Variants in RXFP1 observed in about 807,000 individuals in gnomAD.
RXFP1 encodes relaxin receptor 1.
Under a neutral mutation model 89.8 loss-of-function variants are expected in RXFP1, and 73 were observed. The observed-to-expected ratio is 0.81, with a 90% confidence interval of 0.67 to 0.99. The LOEUF (loss-of-function observed/expected upper bound fraction) is 0.99, where lower values mean the gene tolerates loss of function less well. Ranked by LOEUF, RXFP1 falls within the 50% of genes least tolerant of loss-of-function variation. The pLI is 0.00. For missense variants in RXFP1, 793 were observed against 895.5 expected, an observed-to-expected ratio of 0.89 and a Z score of 1.46; for synonymous variants, 277 against 305.5, an observed-to-expected ratio of 0.91 and a Z score of 0.97.
rs1746237475 is a variant in RXFP1 at position 158,540,098 on chromosome 4, A to G, written c.49+18073A>G. On this transcript the variant is annotated intron_variant, in intron 1 of 17. Transcript: ENST00000307765. ...TGTTAGCAGAAAGGGGTCCCGATCT[A>G]GACCCCAATATAGGGTTCTTGCATC... Among the ~76,000 whole-genome samples, 6 of 152,196 alleles carry G rather than the reference A, an allele frequency of 3.9e-5. No homozygotes were observed. In the South Asian group the frequency reaches 1.2e-3, roughly 32 times the overall value.
intron 1 of RXFP1, chr4:158,544,372 A>T (rs1747650760): frequency 1.0e-6 from 1 of 985,100 alleles, no homozygotes; most frequent in Non-Finnish European, 1.2e-6. Context: ...CAAAAGAGGG[A>T]CAGATCACCC....
chr4:158,572,727 T>C lies in RXFP1; in HGVS notation c.79T>C (p.Cys27Arg). 1 of 1,614,208 alleles carries C rather than the reference T, an allele frequency of 6.2e-7. No individual in the cohort carries two copies. The highest frequency in any genetic ancestry group is 8.5e-7 in the Non-Finnish European group (1 of 1,180,030). The stretch of plus-strand genomic sequence containing the variant: ...TCATGGGGGTGGACAGGATGTCAAG[T>C]GCTCCCTTGGCTATTTCCCCTGTGG... The part of the protein sequence containing the change: ...FSHGGGQDVK[C>R]SLGYFPCGNI... The change falls in exon 2 of 18, where the codon TGC becomes CGC. Residue 27 changes from cysteine (C) to arginine (R), a missense_variant. By Grantham distance (180) the Cys-to-Arg change is radical (BLOSUM62 -3). Transcript: ENST00000307765.
chr4:158,632,317 T>A (rs1768205748), intron 11 of RXFP1, among the ~76,000 whole-genome samples: 1 of 152,254 alleles, frequency 6.6e-6, no homozygotes, highest in South Asian at 2.1e-4. Context: ...AAAATTGTCC[T>A]ACCCTTCGAG....
At chr4:158,610,660 A>G in intron 6 of RXFP1, 1 of 1,289,316 alleles carries the variant, frequency 7.8e-7, no homozygotes, top group Non-Finnish European at 1.0e-6. Flanking sequence ...ATGGCTCTGA[A>G]AAATGAAGAG....
intron 1 of RXFP1, among the ~76,000 whole-genome samples, chr4:158,558,511 C>T (rs1227062946): frequency 6.6e-6 from 1 of 152,106 alleles, no homozygotes; most frequent in Non-Finnish European, 1.5e-5. Flanking sequence ...TTTGGGAAAA[C>T]CATTCCTCAT....
intron 14 of RXFP1, among the ~76,000 whole-genome samples, chr4:158,643,574 C>T (rs146650933): frequency 0.071 from 10,363 of 146,058 alleles, 456 homozygotes; most frequent in Non-Finnish European, 0.11. Flanking sequence ...CAGGTTCAAG[C>T]GATTCTCCTG....
chr4:158,623,297 G>A (rs866309276), intron 9 of RXFP1, among the ~76,000 whole-genome samples: 36 of 149,644 alleles, frequency 2.4e-4, no homozygotes, highest in South Asian at 6.3e-4. Flanking sequence ...TCAGGAGTTT[G>A]AGACTAGCCT....
intron 15 of RXFP1, 72 bp from the exon 16 acceptor site, chr4:158,646,719 A>G (rs2150262559): frequency 6.7e-7 from 1 of 1,482,170 alleles, no homozygotes. Flanking sequence ...AGCATTAAAA[A>G]TATTATTGCT....
At chr4:158,626,998 T>C (rs962514329) in intron 10 of RXFP1, 107 bp downstream of exon 10, 4 of 502,768 alleles carry the variant, frequency 8.0e-6, no homozygotes, top group Non-Finnish European at 1.0e-5. Flanking sequence ...CAAGAGTCTG[T>C]TGTTGGATCT....
intron 9 of RXFP1, among the ~76,000 whole-genome samples, chr4:158,618,461 A>G (rs1262016767): frequency 6.6e-6 from 1 of 152,012 alleles, no homozygotes; most frequent in African/African-American, 2.4e-5. Context: ...ATAAAATTAA[A>G]AATTTTGTTA....
chr4:158,538,533 G>T (rs916837381), intron 1 of RXFP1, among the ~76,000 whole-genome samples: 3 of 152,168 alleles, frequency 2.0e-5, no homozygotes, highest in Non-Finnish European at 4.4e-5. Flanking sequence ...AAGAATAGGG[G>T]CCAGGCACAG....
intron 1 of RXFP1, among the ~76,000 whole-genome samples, chr4:158,523,800 A>G (rs950922873): frequency 8.5e-5 from 13 of 152,178 alleles, no homozygotes; most frequent in Admixed American, 7.9e-4. Context: ...CCTAAGTGAG[A>G]ATTTCCTGGG....
chr4:158,556,444 A>G (rs1487575322), intron 1 of RXFP1, among the ~76,000 whole-genome samples: 1 of 152,226 alleles, frequency 6.6e-6, no homozygotes, highest in Non-Finnish European at 1.5e-5. Context: ...ATGTGGAGAA[A>G]TGGGAACCCT....
chr4:158,532,339 A>G (rs896441903), intron 1 of RXFP1, among the ~76,000 whole-genome samples: 1 of 152,094 alleles, frequency 6.6e-6, no homozygotes, highest in Non-Finnish European at 1.5e-5. Context: ...ATTGGTGGGC[A>G]TCTAGATGGA....
chr4:158,618,424 A>G (rs1427558181), intron 9 of RXFP1, among the ~76,000 whole-genome samples: 2 of 152,108 alleles, frequency 1.3e-5, no homozygotes, highest in South Asian at 2.1e-4. Context: ...ATTAAGATGT[A>G]TTACTAAAAA....
intron 6 of RXFP1, among the ~76,000 whole-genome samples, chr4:158,611,271 T>C (rs1021234497): frequency 6.6e-6 from 1 of 152,194 alleles, no homozygotes; most frequent in Non-Finnish European, 1.5e-5. Context: ...GCAGATTTAG[T>C]GCAGTGAATT....
chr4:158,623,374 T>G (rs1287748696), intron 9 of RXFP1, among the ~76,000 whole-genome samples: 1 of 149,086 alleles, frequency 6.7e-6, no homozygotes, highest in Admixed American at 6.7e-5. Context: ...CCAAGCATGG[T>G]GCCTGTAATC....
At position 158,588,250 on chromosome 4, in the gene RXFP1, T is replaced by C. The variant is rs531699093; in HGVS notation, c.188-5151T>C. Among the ~76,000 whole-genome samples, 23 of 152,234 alleles carry C rather than the reference T, an allele frequency of 1.5e-4. No homozygotes were observed. The Middle Eastern group carries it at 0.01, about 68-fold the overall frequency. The stretch of plus-strand genomic sequence containing the variant: ...CTTTTTCACCCTCATGAGATTCCAC[T>C]TGAGCTCCCCAAATTAACTAAATGT... On this transcript the variant is annotated intron_variant, in intron 2 of 17. Coordinates refer to ENST00000307765, the MANE Select transcript of RXFP1 (RefSeq NM_021634.4).
chr4:158,538,293 G>T (rs980816056), intron 1 of RXFP1, among the ~76,000 whole-genome samples: 1 of 152,188 alleles, frequency 6.6e-6, no homozygotes, highest in African/African-American at 2.4e-5. Flanking sequence ...AGAGGCAGGC[G>T]TGGAAGCAGG....
Sources: allele counts gnomAD v4.1 joint callset (sites outside exome capture counted in the v4.1 genomes callset), GRCh38; gene constraint gnomAD v4.1.1; transcripts MANE v1.5; gene names NCBI Gene and HGNC (gene_info 2026-07-23, HGNC 2026-07-21).